FGG: variants seen among roughly 807,000 people sequenced by gnomAD.
FGG encodes fibrinogen, gamma polypeptide.
Under a neutral mutation model 51.7 loss-of-function variants are expected in FGG, and 20 were observed. The ratio of observed to expected loss-of-function variants is 0.39; its 90% CI spans 0.27 to 0.56. The LOEUF is 0.56. FGG is among the 20% of genes least tolerant of loss of function. The pLI is 0.64. For synonymous variants in FGG, 184 were observed against 184.7 expected, an observed-to-expected ratio of 1.00 and a Z score of 0.03; for missense variants, 460 against 534.2, an observed-to-expected ratio of 0.86 and a Z score of 1.37.
At position 154,609,722 on chromosome 4, in the gene FGG, G is replaced by T. The variant is rs1280372733; in HGVS notation, c.574C>A (p.Leu192Ile). ...IANKGAKQSGLYFIKPLKANQ... is the reference protein window; with the variant it reads ...IANKGAKQSGIYFIKPLKANQ... ...GCTTTCAGAGGTTTAATAAAGTAAAGCCCGCTCTGTTTAGCTCCCTTATTG... is the reference window on the plus strand; with the variant it reads ...GCTTTCAGAGGTTTAATAAAGTAAATCCCGCTCTGTTTAGCTCCCTTATTG... Residue 192 changes from leucine (L) to isoleucine (I), a missense_variant, in exon 6 of 9, where the codon CTT becomes ATT. Physicochemically the swap from Leu to Ile is conservative, Grantham distance 5. Around this residue, in one of 3 missense-constraint regions of FGG, gnomAD observed 353 missense variants for 391.7 expected, o/e 0.90. Coordinates refer to ENST00000336098, the MANE Select transcript of FGG (RefSeq NM_021870.3). 2 of 1,613,932 alleles carry T rather than the reference G, an allele frequency of 1.2e-6. No homozygotes were observed. Among genetic ancestry groups the T allele is most frequent in the African/African-American group, 1.3e-5 (1 of 75,020 alleles).
At chr4:154,609,527 G>A (rs1009828186) in intron 6 of FGG, 103 bp downstream of exon 6, 59 of 1,386,936 alleles carry the variant, frequency 4.3e-5, no homozygotes, top group Non-Finnish European at 5.8e-5. Flanking sequence ...GCTATTGCAA[G>A]GATTAAATGA....
At chr4:154,607,626 A>G (rs1220676386) in intron 7 of FGG, among the ~76,000 whole-genome samples, 1 of 152,136 alleles carries the variant, frequency 6.6e-6, no homozygotes, top group Non-Finnish European at 1.5e-5. Flanking sequence ...GAGTGGGGGA[A>G]AGGATGGGCC....
rs1376362134 is a variant in FGG at position 154,604,915 on chromosome 4, G to A, written c.1281C>T (p.His427=). The change falls in exon 9 of 9, where the codon CAC becomes CAT. Residue 427 remains histidine, a synonymous_variant. Coordinates refer to ENST00000336098, the MANE Select transcript of FGG (RefSeq NM_021870.3). The stretch of plus-strand genomic sequence containing the variant: ...GTCTGACCTGTTTGGCTCCCCCCAG[G>A]TGGTGTTGCTGTCCTTCTCCAATTG... ...RLTIGEGQQH[H]LGGAKQVRPE... 1.2e-5 allele frequency: 20 copies of A among 1,614,090 alleles called. No homozygotes were observed. The highest frequency in any genetic ancestry group is 1.7e-5 in the Non-Finnish European group (20 of 1,179,966).
Position 154,606,764 on chromosome 4 carries a change from C to G in FGG, c.1070G>C (p.Gly357Ala). The part of the protein sequence containing the change: ...KFEGNCAEQD[G>A]SGWWMNKCHA... ...ACACTTGTTCATCCACCAACCAGATCCATCCTGTTCAGCACAGTTGCCTTC... is the reference window on the plus strand; with the variant it reads ...ACACTTGTTCATCCACCAACCAGATGCATCCTGTTCAGCACAGTTGCCTTC... The change falls in exon 8 of 9, where the codon GGA (glycine) becomes GCA (alanine). Residue 357 changes from glycine to alanine, a missense_variant. Gly to Ala is a moderately conservative substitution (Grantham distance 60, BLOSUM62 0). Transcript: ENST00000336098. 1 of 1,613,924 alleles carries G rather than the reference C, an allele frequency of 6.2e-7. No individual in the cohort carries two copies. Among genetic ancestry groups the G allele is most frequent in the Non-Finnish European group, 8.5e-7 (1 of 1,179,894 alleles).
chr4:154,609,568 T>C (rs1731162112), intron 6 of FGG, 62 bp downstream of exon 6: 1 of 1,594,588 alleles, frequency 6.3e-7, no homozygotes, highest in Non-Finnish European at 8.6e-7. Context: ...TAGAAAAGTA[T>C]CTGCCATATG....
chr4:154,605,698 TTG>T (rs1731085077), intron 8 of FGG, among the ~76,000 whole-genome samples: 1 of 152,104 alleles, frequency 6.6e-6, no homozygotes, highest in African/African-American at 2.4e-5. Flanking sequence ...ATTATGTGGT[TTG>T]TGAGTGCAAA....
At chr4:154,605,703 A>G in intron 8 of FGG, among the ~76,000 whole-genome samples, 1 of 152,152 alleles carries the variant, frequency 6.6e-6, no homozygotes, top group Non-Finnish European at 1.5e-5. Context: ...GTGGTTTGTG[A>G]GTGCAAAGAT....
Position 154,604,875 on chromosome 4 carries a change from C to T in FGG, c.1321G>A (p.Glu441Lys), listed in dbSNP as rs372933125. Reference sequence around the variant, plus strand: ...GGGTAAAGTGAGTCATATTCTGTTTCCGCAGGGTGCTCTGGTCTGACCTGT... The same window carrying T: ...GGGTAAAGTGAGTCATATTCTGTTTTCGCAGGGTGCTCTGGTCTGACCTGT... The part of the protein sequence containing the change: ...AKQVRPEHPA[E>K]TEYDSLYPED... Residue 441 changes from glutamate (E) to lysine (K), a missense_variant, in exon 9 of 9, where the codon GAA becomes AAA. Around this residue, in one of 3 missense-constraint regions of FGG, gnomAD observed 92 missense variants for 93.7 expected, o/e 0.98. Coordinates refer to ENST00000336098, the MANE Select transcript of FGG (RefSeq NM_021870.3). 4 of 1,614,078 alleles carry T rather than the reference C, an allele frequency of 2.5e-6. No homozygotes were observed. Among genetic ancestry groups the T allele is most frequent in the Admixed American group, 1.7e-5 (1 of 60,012 alleles).
rs1200293233 is a variant in FGG, at chr4:154,609,854, A to C, written c.533-91T>G. The C allele has an allele frequency of 1.9e-6, 3 of 1,581,452 alleles. No individual in the cohort carries two copies. The African/African-American group carries it at 4.0e-5, about 21-fold the overall frequency. On this transcript the variant is annotated intron_variant, in intron 5 of 8. Coordinates refer to ENST00000336098, the MANE Select transcript of FGG (RefSeq NM_021870.3). ...AATAGCTTTTAACATGTAGTAAACT[A>C]TTCATTTTCCAAGAATAATTTTCTT...
chr4:154,608,745 G>C lies in FGG; in HGVS notation c.667-95C>G, dbSNP rs183253881. The C allele has an allele frequency of 6.6e-5, 77 of 1,173,972 alleles. No individual in the cohort carries two copies. In the East Asian group the frequency reaches 1.4e-3, roughly 22 times the overall value. 72.7% of individuals were successfully genotyped at this position (1,173,972 alleles called of 1,614,324 possible). A position where few individuals can be genotyped will look rare whatever the true frequency, so the allele number is the denominator to read the frequency against. ...CATTTTGTCAAAAATACAGAGCACT[G>C]GTTCTATCAACTCCCAACTAAGTGA... On this transcript the variant is annotated intron_variant, in intron 6 of 8. Coordinates refer to ENST00000336098, the MANE Select transcript of FGG (RefSeq NM_021870.3).
chr4:154,605,086 T>C lies in FGG; in HGVS notation c.1130-20A>G, dbSNP rs778405765. 8.7e-6 allele frequency: 14 copies of C among 1,613,596 alleles called. No homozygotes were observed. The highest frequency in any genetic ancestry group is 8.3e-5 in the Admixed American group (5 of 59,944). ...TGCCACCTAAAACAAGTCGTAGATG[T>C]ACATATCATTATTCTGGAATCTTTT... On this transcript the variant is annotated intron_variant, in intron 8 of 8. Transcript: ENST00000336098.
At chr4:154,608,001 G>A (rs1214373785) in intron 7 of FGG, among the ~76,000 whole-genome samples, 5 of 152,156 alleles carry the variant, frequency 3.3e-5, no homozygotes, top group Non-Finnish European at 7.4e-5. Context: ...GTCTGAAGAG[G>A]CTGTATTTGC....
At chr4:154,611,967 C>T (rs762990068) in intron 3 of FGG, 51 bp downstream of exon 3, 1 of 1,605,084 alleles carries the variant, frequency 6.2e-7, no homozygotes, top group East Asian at 2.2e-5. Flanking sequence ...AGCAAAAGAA[C>T]TTCACAGATT....
rs1560837048 is a variant in FGG at position 154,612,215 on chromosome 4, A to T, written c.124-14T>A. ...ACAATAACTACCCTGAAAATATAAC[A>T]GTGATTAAAAATGTAGACAGATGCT... On this transcript the variant is annotated splice_polypyrimidine_tract_variant and intron_variant, in intron 2 of 8. Coordinates refer to ENST00000336098, the MANE Select transcript of FGG (RefSeq NM_021870.3). 1 of 1,609,242 alleles carries T rather than the reference A, an allele frequency of 6.2e-7. No homozygotes were observed.
In FGG at chr4:154,604,966, C is replaced by T. The variant is rs754193577; in HGVS notation, c.1230G>A (p.Met410Ile). ...TGAGTCTGTTGAATGGGATTATCTTCATAGTGGTTTTCTTCATGGAATACC... is the reference window on the plus strand; with the variant it reads ...TGAGTCTGTTGAATGGGATTATCTTTATAGTGGTTTTCTTCATGGAATACC... ...TRWYSMKKTT[M>I]KIIPFNRLTI... The change falls in exon 9 of 9, where the codon ATG becomes ATA. Residue 410 changes from methionine to isoleucine, a missense_variant. By Grantham distance (10) the Met-to-Ile change is conservative (BLOSUM62 1). Transcript: ENST00000336098. The T allele has an allele frequency of 4.5e-5, 73 of 1,613,968 alleles. No homozygotes were observed. The highest frequency in any genetic ancestry group is 5.7e-5 in the Non-Finnish European group (67 of 1,179,998).
rs1731224211 is a variant in FGG at position 154,612,019 on chromosome 4, TG to T, written c.305del (p.Pro102GlnfsTer3). The T allele has an allele frequency of 6.2e-7, 1 of 1,612,670 alleles. No homozygotes were observed. The highest frequency in any genetic ancestry group is 1.3e-5 in the African/African-American group (1 of 74,896). On this transcript the variant is annotated frameshift_variant and splice_region_variant, in exon 3 of 9. Coordinates refer to ENST00000336098, the MANE Select transcript of FGG (RefSeq NM_021870.3). LOFTEE classifies it high-confidence loss of function. The stretch of plus-strand genomic sequence containing the variant: ...GGTCAGTAGTCTTTATTTTCTCACT[TG>T]GTTTTGATGATTCATCAGGATTATA... ...LTYNPDESSK[P>X]NMIDAATLKS...
Position 154,606,846 on chromosome 4 carries a change from A to G in FGG, c.988T>C (p.Phe330Leu), listed in dbSNP as rs1400258940. Residue 330 changes from phenylalanine (F) to leucine (L), a missense_variant, in exon 8 of 9, where the codon TTC (phenylalanine) becomes CTC (leucine). Phe to Leu is a conservative substitution (Grantham distance 22, BLOSUM62 0). Transcript: ENST00000336098. ...AACTGCATGCCATTATGGGATGTGAAAAACTTGTCACTAGGATCATCGCCA... is the reference window on the plus strand; with the variant it reads ...AACTGCATGCCATTATGGGATGTGAGAAACTTGTCACTAGGATCATCGCCA... ...DFGDDPSDKF[F>L]TSHNGMQFST... 1 of 1,613,988 alleles carries G rather than the reference A, an allele frequency of 6.2e-7. No homozygotes were observed. Among genetic ancestry groups the G allele is most frequent in the South Asian group, 1.1e-5 (1 of 91,076 alleles).
chr4:154,608,858 G>A (rs1480139647), intron 6 of FGG, among the ~76,000 whole-genome samples: 2 of 152,150 alleles, frequency 1.3e-5, no homozygotes, highest in Non-Finnish European at 1.5e-5. Flanking sequence ...TCATGAGAGA[G>A]AATATAAGAG....
chr4:154,606,246 C>T (rs954956603), intron 8 of FGG, among the ~76,000 whole-genome samples: 1 of 152,162 alleles, frequency 6.6e-6, no homozygotes, highest in African/African-American at 2.4e-5. Context: ...TTCTCTCAAG[C>T]TTTCACAAAC....
Sources: allele counts gnomAD v4.1 joint callset (sites outside exome capture counted in the v4.1 genomes callset), GRCh38; gene constraint gnomAD v4.1.1; regional missense constraint gnomAD v4.1.1; transcripts MANE v1.5; gene names NCBI Gene and HGNC (gene_info 2026-07-23, HGNC 2026-07-21).